The following NXPE2 variants were observed in gnomAD, a reference collection of about 807,000 sequenced individuals.
The protein encoded by NXPE2 is NXPE family member 2.
A neutral mutation model predicts 34.4 loss-of-function variants in NXPE2; 34 were observed. The observed-to-expected ratio is 0.99, with a 90% CI of 0.75 to 1.31. The LOEUF (loss-of-function observed/expected upper bound fraction) is 1.31, where lower values mean the gene tolerates loss of function less well. NXPE2 is among the 40% of genes most tolerant of loss of function. The probability of loss-of-function intolerance (pLI) is 0.00; values close to 1 mark genes in which losing one functional copy is unlikely to be tolerated. For synonymous variants in NXPE2, 235 were observed against 231.3 expected, an observed-to-expected ratio of 1.02 and a Z score of -0.15; for missense variants, 649 against 672.5, an observed-to-expected ratio of 0.97 and a Z score of 0.39.
the NXPE2 span, among the ~76,000 whole-genome samples, chr11:114,796,460 A>G: frequency 6.6e-6 from 1 of 152,180 alleles, no homozygotes; most frequent in Non-Finnish European, 1.5e-5. Context: ...CTAGAGTGAT[A>G]CCCTTAGACA....
At chr11:114,687,627 A>G (rs966943091) in intron 2 of NXPE2, among the ~76,000 whole-genome samples, 2 of 151,942 alleles carry the variant, frequency 1.3e-5, no homozygotes, top group Non-Finnish European at 2.9e-5. Context: ...GAATTTTAGA[A>G]TAGTTCTTTC....
chr11:114,728,258 C>G, the NXPE2 span, among the ~76,000 whole-genome samples: 3 of 152,202 alleles, frequency 2.0e-5, no homozygotes, highest in South Asian at 6.2e-4. Flanking sequence ...TTAGTTATAT[C>G]TGCAAATCCC....
chr11:114,647,205 C>G, the NXPE2 span, among the ~76,000 whole-genome samples: 1 of 152,184 alleles, frequency 6.6e-6, no homozygotes. Flanking sequence ...TATTCACCTT[C>G]TACATTCGTA....
At chr11:114,545,517 G>A in the NXPE2 span, among the ~76,000 whole-genome samples, 2 of 152,132 alleles carry the variant, frequency 1.3e-5, no homozygotes, top group Admixed American at 6.6e-5. Context: ...GAAAAAGGTG[G>A]TTCTATAGAG....
chr11:114,494,150 G>T, the NXPE2 span, among the ~76,000 whole-genome samples: 5 of 152,164 alleles, frequency 3.3e-5, no homozygotes, highest in African/African-American at 9.6e-5. Context: ...GACCTTTGGG[G>T]GTTTGATTAT....
the NXPE2 span, among the ~76,000 whole-genome samples, chr11:114,465,810 A>G: frequency 2.0e-5 from 3 of 152,198 alleles, no homozygotes; most frequent in Non-Finnish European, 1.5e-5. Context: ...AAAAATAAAT[A>G]ATAAATTTAA....
the NXPE2 span, among the ~76,000 whole-genome samples, chr11:114,758,248 G>A: frequency 6.6e-6 from 1 of 152,040 alleles, no homozygotes; most frequent in Non-Finnish European, 1.5e-5. Flanking sequence ...GAAGAGTATT[G>A]CCTCTAGATA....
the NXPE2 span, among the ~76,000 whole-genome samples, chr11:114,620,499 G>A: frequency 6.6e-6 from 1 of 151,558 alleles, no homozygotes; most frequent in Non-Finnish European, 1.5e-5. Flanking sequence ...GATAATAAGT[G>A]TTGCCTCTAG....
At chr11:114,625,579 G>A in the NXPE2 span, among the ~76,000 whole-genome samples, 1 of 152,166 alleles carries the variant, frequency 6.6e-6, no homozygotes, top group South Asian at 2.1e-4. Context: ...ATTGCCTCGT[G>A]GGTAACCACT....
the NXPE2 span, among the ~76,000 whole-genome samples, chr11:114,577,153 A>G: frequency 7.4e-6 from 1 of 134,544 alleles, no homozygotes; most frequent in South Asian, 2.3e-4. Flanking sequence ...TCATAAATAT[A>G]TATGTGTCAT....
At chr11:114,773,613 A>G in the NXPE2 span, among the ~76,000 whole-genome samples, 1 of 152,056 alleles carries the variant, frequency 6.6e-6, no homozygotes, top group South Asian at 2.1e-4. Context: ...CTTGACTAGG[A>G]CACAGGGTAC....
chr11:114,624,623 T>A, the NXPE2 span, among the ~76,000 whole-genome samples: 1 of 152,244 alleles, frequency 6.6e-6, no homozygotes, highest in Admixed American at 6.5e-5. Flanking sequence ...GGGCAACCAC[T>A]GTTACCCAGT....
At chr11:114,705,033 A>G (rs944581926) in intron 4 of NXPE2, among the ~76,000 whole-genome samples, 7 of 152,200 alleles carry the variant, frequency 4.6e-5, no homozygotes, top group Non-Finnish European at 8.8e-5. Context: ...TGTGTACCCC[A>G]TATCCCAACA....
chr11:114,684,003 A>G (rs1712818), intron 2 of NXPE2, among the ~76,000 whole-genome samples: 134,584 of 152,150 alleles, frequency 0.88, 59,897 homozygotes, highest in Non-Finnish European at 0.92. Context: ...ATTGACCAGA[A>G]TAGGAGAAAT....
At chr11:114,761,706 T>C in the NXPE2 span, among the ~76,000 whole-genome samples, 16 of 151,670 alleles carry the variant, frequency 1.1e-4, no homozygotes, top group Non-Finnish European at 2.4e-4. Context: ...CCCGAGTAGC[T>C]GGGACTACAG....
chr11:114,806,892 G>T, the NXPE2 span, among the ~76,000 whole-genome samples: 29 of 152,126 alleles, frequency 1.9e-4, no homozygotes, highest in Non-Finnish European at 4.4e-5. Flanking sequence ...GTAATTGTCA[G>T]ATTCACCAAA....
chr11:114,754,154 A>T, the NXPE2 span, among the ~76,000 whole-genome samples: 3 of 152,230 alleles, frequency 2.0e-5, no homozygotes, highest in African/African-American at 7.2e-5. Context: ...CATTTTTATT[A>T]ATGAAATTAT....
chr11:114,606,121 A>G, the NXPE2 span, among the ~76,000 whole-genome samples: 1 of 151,842 alleles, frequency 6.6e-6, no homozygotes, highest in Non-Finnish European at 1.5e-5. Context: ...CTGGTGGATA[A>G]TAAGTATTGT....
the NXPE2 span, among the ~76,000 whole-genome samples, chr11:114,575,557 C>T: frequency 3.4e-4 from 52 of 151,324 alleles, no homozygotes; most frequent in African/African-American, 1.2e-3. Context: ...GCAACCAAGC[C>T]GAGAATCAAA....
Sources: allele counts gnomAD v4.1 joint callset (sites outside exome capture counted in the v4.1 genomes callset), GRCh38; gene constraint gnomAD v4.1.1; transcripts MANE v1.5; gene names NCBI Gene and HGNC (gene_info 2026-07-23, HGNC 2026-07-21).